ANO3: variants seen among roughly 807,000 people sequenced by gnomAD.
ANO3 encodes anoctamin 3.
In ANO3, 99 loss-of-function variants were observed where a neutral mutation model predicts 144.8. The ratio of observed to expected loss-of-function variants is 0.68; its 90% CI spans 0.58 to 0.81. The LOEUF is 0.81. Ranked by LOEUF, ANO3 falls within the 30% of genes least tolerant of loss-of-function variation. The pLI, the probability that ANO3 is intolerant of heterozygous loss-of-function variation, is 0.00. For missense variants in ANO3, 905 were observed against 1,202.2 expected, an observed-to-expected ratio of 0.75 and a Z score of 3.66; for synonymous variants, 414 against 392.6, an observed-to-expected ratio of 1.05 and a Z score of -0.64.
chr11:26,417,000 T>C (rs767162024), intron 1 of ANO3, among the ~76,000 whole-genome samples: 2 of 152,070 alleles, frequency 1.3e-5, no homozygotes, highest in South Asian at 2.1e-4. Flanking sequence ...GAAACAAATG[T>C]AGCAAAGAGG....
At position 26,487,962 on chromosome 11, in the gene ANO3, T is replaced by C. The variant is rs1305724089; in HGVS notation, c.433-20142T>C. Among the ~76,000 whole-genome samples the C allele has an allele frequency of 3.3e-5, 5 of 152,186 alleles. No individual in the cohort carries two copies. In the East Asian group the frequency reaches 9.7e-4, roughly 29 times the overall value. ...GTGGGCAGATCATGAGGTCAAGAGA[T>C]TGAGACCATCCTGGCCAACATGTTG... On this transcript the variant is annotated intron_variant, in intron 4 of 26. Coordinates refer to ENST00000256737, the MANE Select transcript of ANO3 (RefSeq NM_031418.4).
At chr11:26,512,068 G>C (rs1182208312) in intron 5 of ANO3, among the ~76,000 whole-genome samples, 1 of 152,090 alleles carries the variant, frequency 6.6e-6, no homozygotes, top group Non-Finnish European at 1.5e-5. Flanking sequence ...AATAAATTTG[G>C]ATTACTGAAA....
chr11:26,571,016 A>G (rs1850802673), intron 14 of ANO3, among the ~76,000 whole-genome samples: 1 of 152,042 alleles, frequency 6.6e-6, no homozygotes, highest in South Asian at 2.1e-4. Flanking sequence ...TTCTTTCAAG[A>G]AAAAAACAAA....
chr11:26,610,920 G>A (rs1184824023), intron 17 of ANO3, among the ~76,000 whole-genome samples: 1 of 151,890 alleles, frequency 6.6e-6, no homozygotes, highest in Non-Finnish European at 1.5e-5. Flanking sequence ...CAAACTTTTT[G>A]GTGTATAATT....
At chr11:26,334,277 T>G (rs1855136736) in intron 1 of ANO3, among the ~76,000 whole-genome samples, 1 of 152,246 alleles carries the variant, frequency 6.6e-6, no homozygotes, top group Non-Finnish European at 1.5e-5. Flanking sequence ...TCATTTTAGC[T>G]AAGTGGTTCT....
intron 13 of ANO3, among the ~76,000 whole-genome samples, chr11:26,557,657 G>A (rs1850128216): frequency 6.6e-6 from 1 of 152,098 alleles, no homozygotes. Context: ...AGTTTCTTCA[G>A]TATAACAAGT....
At chr11:26,438,420 A>G (rs1050540548) in intron 1 of ANO3, among the ~76,000 whole-genome samples, 12 of 151,754 alleles carry the variant, frequency 7.9e-5, no homozygotes, top group Non-Finnish European at 1.8e-4. Context: ...TTACCCCCAA[A>G]GTGATTATAG....
chr11:26,643,106 A>G, intron 22 of ANO3, 76 bp from the exon 23 acceptor site: 1 of 1,383,576 alleles, frequency 7.2e-7, no homozygotes, highest in South Asian at 1.3e-5. Context: ...AAAGCATTAA[A>G]AGCAATTTAT....
intron 1 of ANO3, among the ~76,000 whole-genome samples, chr11:26,359,400 A>C (rs1285760723): frequency 6.6e-6 from 1 of 152,160 alleles, no homozygotes; most frequent in South Asian, 2.1e-4. Flanking sequence ...AGCACCATGT[A>C]CAGTACAGCA....
intron 1 of ANO3, among the ~76,000 whole-genome samples, chr11:26,401,724 A>G (rs1857151625): frequency 6.6e-6 from 1 of 151,928 alleles, no homozygotes; most frequent in African/African-American, 2.4e-5. Context: ...TAAAAATACA[A>G]AAATTAGCCG....
intron 4 of ANO3, among the ~76,000 whole-genome samples, chr11:26,503,993 G>A (rs1019407535): frequency 6.6e-6 from 1 of 152,132 alleles, no homozygotes; most frequent in African/African-American, 2.4e-5. Flanking sequence ...TGTTACCAAT[G>A]CTATGAGACT....
chr11:26,429,466 A>AAAC (rs1219886650), intron 1 of ANO3, among the ~76,000 whole-genome samples: 2 of 151,752 alleles, frequency 1.3e-5, no homozygotes, highest in African/African-American at 4.8e-5. Context: ...AAAGTTCAAA[A>AAAC]AAAAAAAACA....
chr11:26,327,366 C>T (rs1468232818), upstream of ANO3, among the ~76,000 whole-genome samples: 1 of 152,088 alleles, frequency 6.6e-6, no homozygotes, highest in African/African-American at 2.4e-5. Flanking sequence ...GTTATTCATG[C>T]TCGATGGAAA....
intron 1 of ANO3, among the ~76,000 whole-genome samples, chr11:26,297,999 G>T (rs1325462539): frequency 1.3e-5 from 2 of 152,148 alleles, no homozygotes; most frequent in African/African-American, 4.8e-5. Flanking sequence ...GAGGAGCATA[G>T]AAACTAGTAT....
At chr11:26,302,947 A>G (rs1379548075) in intron 1 of ANO3, among the ~76,000 whole-genome samples, 1 of 152,214 alleles carries the variant, frequency 6.6e-6, no homozygotes, top group Non-Finnish European at 1.5e-5. Flanking sequence ...AAAAATCCTC[A>G]ACATCACTAA....
At chr11:26,632,120 A>T (rs1279134897) in intron 18 of ANO3, among the ~76,000 whole-genome samples, 1 of 151,388 alleles carries the variant, frequency 6.6e-6, no homozygotes, top group African/African-American at 2.4e-5. Context: ...CGAACCCGGG[A>T]GGTGGAGGTT....
At chr11:26,278,709 G>T (rs957613556) in intron 1 of ANO3, among the ~76,000 whole-genome samples, 2 of 152,146 alleles carry the variant, frequency 1.3e-5, no homozygotes, top group Admixed American at 6.5e-5. Context: ...GATTTCCTAA[G>T]TTTCAGGTTA....
chr11:26,495,269 A>ATT (rs57546253), intron 4 of ANO3, among the ~76,000 whole-genome samples: 35 of 121,006 alleles, frequency 2.9e-4, no homozygotes, highest in African/African-American at 9.4e-4. Flanking sequence ...CGGCTGGCTG[A>ATT]TTTTTTTTTT....
intron 21 of ANO3, among the ~76,000 whole-genome samples, 180 bp from the exon 22 acceptor site, chr11:26,641,716 A>G (rs1217480023): frequency 2.6e-5 from 4 of 152,138 alleles, no homozygotes; most frequent in African/African-American, 4.8e-5. Context: ...ATTTTTTAAG[A>G]TATTTAAGCT....
Sources: gnomAD v4.1 joint callset for allele counts (sites outside exome capture counted in the v4.1 genomes callset) on GRCh38, gnomAD v4.1.1 for gene constraint, MANE v1.5 for transcripts, NCBI Gene and HGNC (gene_info 2026-07-23, HGNC 2026-07-21) for gene names.